Variants in NRG3 observed in about 807,000 individuals in gnomAD.
The protein encoded by NRG3 is pro-neuregulin-3, membrane-bound isoform.
Under a neutral mutation model 66.9 loss-of-function variants are expected in NRG3, and 31 were observed. That is an observed-to-expected ratio of 0.46 (90% CI 0.35 to 0.63). The LOEUF is 0.63. NRG3 is among the 20% of genes least tolerant of loss of function. NRG3 has a pLI of 0.00. For synonymous variants in NRG3, 393 were observed against 359.4 expected (o/e 1.09, Z -1.06); for missense variants, 910 against 878.9 (o/e 1.04, Z -0.45).
At chr10:82,719,332 G>A (rs562739355) in intron 2 of NRG3, among the ~76,000 whole-genome samples, 2 of 152,268 alleles carry the variant, frequency 1.3e-5, no homozygotes, top group African/African-American at 4.8e-5. Context: ...TGCTGTTAGT[G>A]TTACAAAAAC....
At chr10:82,341,334 G>T (rs996698508) in intron 1 of NRG3, among the ~76,000 whole-genome samples, 1 of 152,104 alleles carries the variant, frequency 6.6e-6, no homozygotes, top group African/African-American at 2.4e-5. Flanking sequence ...GAATATTAAA[G>T]AGATTTCTTT....
rs567865577 is a variant in NRG3, at chr10:82,807,316, A to G, written c.1028-58095A>G. 8.5e-5 allele frequency among the ~76,000 whole-genome samples: 13 copies of G among 152,336 alleles called. No individual in the cohort carries two copies. In the East Asian group the frequency reaches 2.5e-3, roughly 29 times the overall value. ...TATAATAATTACTGCATGTTCAATA[A>G]CATCAATTTGAGCAAGTAAACTTGC... On this transcript the variant is annotated intron_variant, in intron 3 of 8. Transcript: ENST00000372141.
At chr10:82,297,691 G>T (rs1013840672) in intron 1 of NRG3, among the ~76,000 whole-genome samples, 2 of 151,844 alleles carry the variant, frequency 1.3e-5, no homozygotes, top group African/African-American at 4.8e-5. Context: ...TATAAATATA[G>T]GTTATTATAA....
chr10:82,355,650 G>C (rs373831250), intron 1 of NRG3, among the ~76,000 whole-genome samples: 1 of 152,110 alleles, frequency 6.6e-6, no homozygotes, highest in Admixed American at 6.5e-5. Flanking sequence ...TAGCAACCTC[G>C]TGAGTTTATT....
At chr10:82,321,309 G>GGT (rs543741528) in intron 1 of NRG3, among the ~76,000 whole-genome samples, 4 of 151,410 alleles carry the variant, frequency 2.6e-5, no homozygotes, top group African/African-American at 9.8e-5. Flanking sequence ...GGTGGGGGTG[G>GGT]GGGTCAGGGA....
intron 2 of NRG3, among the ~76,000 whole-genome samples, chr10:82,665,765 TC>T: frequency 1.3e-5 from 2 of 152,140 alleles, no homozygotes; most frequent in East Asian, 3.9e-4. Context: ...TCACATGAAA[TC>T]TCAACAATAT....
At chr10:82,546,355 G>C (rs1381246487) in intron 2 of NRG3, among the ~76,000 whole-genome samples, 1 of 151,970 alleles carries the variant, frequency 6.6e-6, no homozygotes, top group Non-Finnish European at 1.5e-5. Flanking sequence ...AATAAATACC[G>C]AGATAGTTTT....
chr10:82,390,035 C>A (rs1001217767), intron 2 of NRG3, among the ~76,000 whole-genome samples: 6 of 152,172 alleles, frequency 3.9e-5, no homozygotes, highest in Non-Finnish European at 8.8e-5. Context: ...CTTAACCACA[C>A]TGGTGTTCAA....
chr10:81,919,336 A>G (rs1846029591), intron 1 of NRG3, among the ~76,000 whole-genome samples: 1 of 152,222 alleles, frequency 6.6e-6, no homozygotes, highest in Admixed American at 6.5e-5. Flanking sequence ...GAGCGTCGAC[A>G]CTTGATCTGA....
chr10:82,676,726 G>GC (rs1037719556), intron 2 of NRG3, among the ~76,000 whole-genome samples: 10 of 151,936 alleles, frequency 6.6e-5, no homozygotes, highest in Non-Finnish European at 1.3e-4. Context: ...CAAATTATCT[G>GC]CCCCCCTCGG....
chr10:82,695,107 G>A (rs1305136994), intron 2 of NRG3, among the ~76,000 whole-genome samples: 2 of 152,096 alleles, frequency 1.3e-5, no homozygotes, highest in East Asian at 3.9e-4. Context: ...AAACTCATAT[G>A]TACATTGGAC....
At chr10:82,965,669 G>A (rs1389488156) in intron 6 of NRG3, among the ~76,000 whole-genome samples, 3 of 152,014 alleles carry the variant, frequency 2.0e-5, no homozygotes, top group African/African-American at 4.8e-5. Context: ...CTAGGAGGCC[G>A]AGGTTGCAGT....
intron 1 of NRG3, among the ~76,000 whole-genome samples, chr10:82,334,399 A>G (rs1241943645): frequency 6.6e-6 from 1 of 152,196 alleles, no homozygotes; most frequent in African/African-American, 2.4e-5. Flanking sequence ...TTGCAATGCA[A>G]TATGATAAGG....
intron 1 of NRG3, among the ~76,000 whole-genome samples, chr10:82,002,036 C>T (rs913009930): frequency 1.5e-4 from 23 of 152,040 alleles, no homozygotes; most frequent in African/African-American, 4.8e-4. Context: ...CTGAAAAATC[C>T]CTTTTTGGAC....
At chr10:82,611,187 A>G (rs1176892807) in intron 2 of NRG3, among the ~76,000 whole-genome samples, 1 of 152,038 alleles carries the variant, frequency 6.6e-6, no homozygotes, top group Non-Finnish European at 1.5e-5. Flanking sequence ...GTAGTTATTT[A>G]TCCTTAGATT....
At chr10:82,633,010 C>G (rs951623262) in intron 2 of NRG3, among the ~76,000 whole-genome samples, 1 of 152,136 alleles carries the variant, frequency 6.6e-6, no homozygotes, top group African/African-American at 2.4e-5. Flanking sequence ...GCTTGTTTGA[C>G]CTTTTCACTC....
At chr10:82,418,730 A>G (rs2088820839) in intron 2 of NRG3, among the ~76,000 whole-genome samples, 1 of 152,004 alleles carries the variant, frequency 6.6e-6, no homozygotes, top group Non-Finnish European at 1.5e-5. Flanking sequence ...CCTCCTGAGT[A>G]GCTAGTACAA....
At chr10:82,870,924 A>T (rs1328990689) in intron 4 of NRG3, among the ~76,000 whole-genome samples, 3 of 152,186 alleles carry the variant, frequency 2.0e-5, no homozygotes, top group Admixed American at 2.0e-4. Flanking sequence ...TTCAATTTTA[A>T]TAAAGTCCAG....
intron 1 of NRG3, among the ~76,000 whole-genome samples, chr10:82,347,006 C>A (rs1399278613): frequency 6.6e-6 from 1 of 151,358 alleles, no homozygotes; most frequent in Non-Finnish European, 1.5e-5. Flanking sequence ...TTGATCCTTT[C>A]AAAAAAACCA....
Sources: allele counts gnomAD v4.1 joint callset (sites outside exome capture counted in the v4.1 genomes callset), GRCh38; gene constraint gnomAD v4.1.1; transcripts MANE v1.5; gene names NCBI Gene and HGNC (gene_info 2026-07-23, HGNC 2026-07-21).